CSMD1: variants seen among roughly 807,000 people sequenced by gnomAD.
CSMD1 encodes CUB and sushi domain-containing protein 1.
CSMD1 carries 213 observed loss-of-function variants against 417.5 expected under a neutral mutation model. The observed-to-expected ratio is 0.51, with a 90% confidence interval of 0.46 to 0.57. The LOEUF (loss-of-function observed/expected upper bound fraction) is 0.57, where lower values mean the gene tolerates loss of function less well. CSMD1 is among the 20% of genes least tolerant of loss of function. CSMD1 has a pLI of 0.00. For missense variants in CSMD1, 6,923 were observed against 4,529.7 expected, an observed-to-expected ratio of 1.53 and a Z score of -15.17; for synonymous variants, 2,862 against 1,736.8, an observed-to-expected ratio of 1.65 and a Z score of -16.11.
intron 3 of CSMD1, among the ~76,000 whole-genome samples, chr8:4,201,931 T>G (rs1799672630): frequency 6.6e-6 from 1 of 151,242 alleles, no homozygotes; most frequent in Non-Finnish European, 1.5e-5. Flanking sequence ...TCAATAGCAT[T>G]TATTCAAGCC....
chr8:3,491,689 T>C lies in CSMD1; in HGVS notation c.1448+1934A>G, dbSNP rs780853405. 2.6e-5 allele frequency among the ~76,000 whole-genome samples: 4 copies of C among 152,316 alleles called. No homozygotes were observed. In the South Asian group the frequency reaches 6.2e-4, roughly 24 times the overall value. On this transcript the variant is annotated intron_variant, in intron 11 of 69. Transcript: ENST00000635120. ...TATACAGAACAGTTGGCTAGTGCTT[T>C]TTCAATGTGTGAATTATCTCATAAG...
intron 18 of CSMD1, among the ~76,000 whole-genome samples, chr8:3,372,488 G>A (rs1422991610): frequency 1.3e-5 from 2 of 152,296 alleles, no homozygotes; most frequent in East Asian, 1.9e-4. Context: ...TCAGGACCCC[G>A]AACCAGGGCA....
chr8:4,292,406 C>G (rs995320551), intron 3 of CSMD1, among the ~76,000 whole-genome samples: 2 of 152,028 alleles, frequency 1.3e-5, no homozygotes, highest in Non-Finnish European at 1.5e-5. Flanking sequence ...GTGCCCGCCA[C>G]CACGCCCGGC....
At chr8:3,858,881 G>A (rs548408658) in intron 5 of CSMD1, among the ~76,000 whole-genome samples, 22 of 152,034 alleles carry the variant, frequency 1.4e-4, no homozygotes, top group African/African-American at 2.9e-4. Context: ...CAGGTTTATC[G>A]TGACAATGTA....
chr8:3,648,805 C>G (rs1046883100), intron 7 of CSMD1, among the ~76,000 whole-genome samples: 5 of 151,020 alleles, frequency 3.3e-5, no homozygotes, highest in African/African-American at 1.2e-4. Flanking sequence ...ACGCGGCACC[C>G]CTCTCAGAAC....
chr8:4,680,969 TGTGTGTGAGAGA>T (rs1563130324), intron 1 of CSMD1, among the ~76,000 whole-genome samples: 1 of 123,342 alleles, frequency 8.1e-6, no homozygotes, highest in African/African-American at 3.3e-5. Context: ...TGTGTGTGTG[TGTGTGTGAGAGA>T]GAGAGAGAGA....
intron 3 of CSMD1, among the ~76,000 whole-genome samples, chr8:4,302,334 A>G (rs1020990646): frequency 2.0e-5 from 3 of 152,194 alleles, no homozygotes; most frequent in African/African-American, 7.2e-5. Context: ...AAAAATAATA[A>G]CAATAATAGT....
At chr8:3,895,530 A>G (rs1807301738) in intron 5 of CSMD1, among the ~76,000 whole-genome samples, 1 of 152,162 alleles carries the variant, frequency 6.6e-6, no homozygotes, top group African/African-American at 2.4e-5. Flanking sequence ...TTAGGGAATA[A>G]ATATGATCCT....
In CSMD1 at chr8:4,441,722, A is replaced by G. The variant is rs73660812; in HGVS notation, c.303-21657T>C. Among the ~76,000 whole-genome samples the G allele has an allele frequency of 5.2e-3, 792 of 152,264 alleles. 7 individuals carry two copies. Among genetic ancestry groups the G allele is most frequent in the African/African-American group, 0.018 (744 of 41,558 alleles). On this transcript the variant is annotated intron_variant, in intron 2 of 69. Transcript: ENST00000635120. ...AATTAAAACGTTTGAGGTACAGGAG[A>G]TAAATGAAAATTTTTACTTAAATAT...
rs186147469 is a variant in CSMD1, at chr8:4,304,088, T to C, written c.415+115865A>G. ...CCTCGATGAAACCCTTGAAATACCA[T>C]TGTGTTGTCTTATAAAATTAACCAC... On this transcript the variant is annotated intron_variant, in intron 3 of 69. Coordinates refer to ENST00000635120, the MANE Select transcript of CSMD1 (RefSeq NM_033225.6). Among the ~76,000 whole-genome samples, 23 of 152,260 alleles carry C rather than the reference T, an allele frequency of 1.5e-4. No individual in the cohort carries two copies. In the East Asian group the frequency reaches 2.9e-3, roughly 19 times the overall value.
At chr8:4,827,073 T>C in intron 1 of CSMD1, among the ~76,000 whole-genome samples, 1 of 152,104 alleles carries the variant, frequency 6.6e-6, no homozygotes, top group South Asian at 2.1e-4. Context: ...GGAAAAAAAT[T>C]AAGTCCATGT....
At position 3,974,102 on chromosome 8, in the gene CSMD1, T is replaced by TAAA. The variant is rs1227615349; in HGVS notation, c.818+23800_818+23801insTTT. On this transcript the variant is annotated intron_variant, in intron 5 of 69. Transcript: ENST00000635120. ...GGTAGGTCTTATTTATTATTTCTAATTACTTTTTGTACCCACATAATAGGT... is the reference window on the plus strand; with the variant it reads ...GGTAGGTCTTATTTATTATTTCTAATAAATACTTTTTGTACCCACATAATAGGT... Among the ~76,000 whole-genome samples the TAAA allele has an allele frequency of 3.9e-4, 60 of 152,270 alleles. 1 individual carries two copies. The South Asian group carries it at 0.012, about 30-fold the overall frequency.
chr8:4,535,462 T>G (rs1052083009), intron 2 of CSMD1, among the ~76,000 whole-genome samples: 1 of 152,158 alleles, frequency 6.6e-6, no homozygotes, highest in Non-Finnish European at 1.5e-5. Flanking sequence ...CATTATAAAC[T>G]TAAAGATTTT....
intron 1 of CSMD1, among the ~76,000 whole-genome samples, chr8:4,943,216 C>T (rs1396794746): frequency 1.3e-5 from 2 of 152,122 alleles, no homozygotes; most frequent in Admixed American, 6.5e-5. Context: ...AAAATCATGG[C>T]CGGGTGCAGT....
chr8:3,250,701 C>T (rs528474006), intron 26 of CSMD1, among the ~76,000 whole-genome samples: 9 of 152,300 alleles, frequency 5.9e-5, no homozygotes, highest in African/African-American at 2.2e-4. Flanking sequence ...CCTATTTCTC[C>T]ACATCCTCTC....
chr8:3,617,619 G>A (rs967276880), intron 7 of CSMD1, among the ~76,000 whole-genome samples: 1 of 152,102 alleles, frequency 6.6e-6, no homozygotes, highest in Non-Finnish European at 1.5e-5. Context: ...AAATTTCTGT[G>A]TCCAGGTTTC....
chr8:3,573,929 C>T (rs1209763528), intron 10 of CSMD1, among the ~76,000 whole-genome samples: 2 of 151,634 alleles, frequency 1.3e-5, no homozygotes, highest in Admixed American at 1.3e-4. Context: ...CTTATTTTTT[C>T]TTCCTACTGG....
At chr8:3,410,897 A>T (rs147253530) in intron 12 of CSMD1, among the ~76,000 whole-genome samples, 5 of 152,096 alleles carry the variant, frequency 3.3e-5, no homozygotes, top group Non-Finnish European at 7.4e-5. Context: ...GGGTAATTTA[A>T]CACAAGATAG....
chr8:3,500,915 T>C (rs1276172825), intron 10 of CSMD1, among the ~76,000 whole-genome samples: 1 of 152,154 alleles, frequency 6.6e-6, no homozygotes, highest in Non-Finnish European at 1.5e-5. Flanking sequence ...CAGAGAGGAT[T>C]TTTTCTTTTA....
Sources: gnomAD v4.1 joint callset for allele counts (sites outside exome capture counted in the v4.1 genomes callset) on GRCh38, gnomAD v4.1.1 for gene constraint, MANE v1.5 for transcripts, NCBI Gene and HGNC (gene_info 2026-07-23, HGNC 2026-07-21) for gene names.